The following THSD7B variants were observed in gnomAD, a reference collection of about 807,000 sequenced individuals.
THSD7B encodes thrombospondin type 1 domain containing 7B, also known as thrombospondin type-1 domain-containing protein 7B.
A neutral mutation model predicts 213.6 loss-of-function variants in THSD7B; 138 were observed. That is an observed-to-expected ratio of 0.65 (90% CI 0.56 to 0.74). THSD7B has a LOEUF of 0.74. Ranked by LOEUF, THSD7B falls within the 30% of genes least tolerant of loss-of-function variation. The pLI, the probability that THSD7B is intolerant of heterozygous loss-of-function variation, is 0.00. For synonymous variants in THSD7B, 742 were observed against 687.0 expected (o/e 1.08, Z -1.25); for missense variants, 1,931 against 1,991.5 (o/e 0.97, Z 0.58).
intron 15 of THSD7B, among the ~76,000 whole-genome samples, chr2:137,517,436 G>T (rs914643953): frequency 1.3e-5 from 2 of 152,216 alleles, no homozygotes; most frequent in African/African-American, 2.4e-5. Context: ...AAAATTTCTA[G>T]GGGTCTGGTG....
intron 15 of THSD7B, among the ~76,000 whole-genome samples, chr2:137,491,051 G>A (rs978299841): frequency 1.3e-5 from 2 of 152,178 alleles, no homozygotes; most frequent in East Asian, 3.9e-4. Flanking sequence ...GGTTTATAGA[G>A]TTATTTATGT....
intron 12 of THSD7B, among the ~76,000 whole-genome samples, chr2:137,289,006 C>T (rs1275187232): frequency 6.6e-6 from 1 of 151,958 alleles, no homozygotes; most frequent in Non-Finnish European, 1.5e-5. Context: ...ACCACTTAAC[C>T]TCTCAATATT....
At chr2:137,456,475 T>A (rs1687765894) in intron 15 of THSD7B, among the ~76,000 whole-genome samples, 1 of 152,208 alleles carries the variant, frequency 6.6e-6, no homozygotes, top group South Asian at 2.1e-4. Flanking sequence ...GTTTTATCAG[T>A]GTTGGCCTCT....
At chr2:137,362,258 A>G (rs1685282536) in intron 12 of THSD7B, among the ~76,000 whole-genome samples, 1 of 152,216 alleles carries the variant, frequency 6.6e-6, no homozygotes, top group Non-Finnish European at 1.5e-5. Context: ...AGTAACAACC[A>G]GTACCAGCCA....
At chr2:136,987,516 A>G (rs1029462415) in intron 2 of THSD7B, among the ~76,000 whole-genome samples, 2 of 152,134 alleles carry the variant, frequency 1.3e-5, no homozygotes, top group Admixed American at 1.3e-4. Flanking sequence ...ACAAGAAGAG[A>G]GGGATGAGGT....
intron 15 of THSD7B, among the ~76,000 whole-genome samples, chr2:137,481,984 C>T (rs867464128): frequency 2.0e-5 from 3 of 152,042 alleles, no homozygotes; most frequent in South Asian, 2.1e-4. Flanking sequence ...GAGACCATCC[C>T]GGCTAATACG....
In THSD7B at chr2:137,668,862, C is replaced by G. The variant is rs192645124; in HGVS notation, c.4739+1001C>G. ...AGTAGTTATGGATTATCATGAAGGTCTTCATCCTCACCATCTTCATACTGA... is the reference window on the plus strand; with the variant it reads ...AGTAGTTATGGATTATCATGAAGGTGTTCATCCTCACCATCTTCATACTGA... On this transcript the variant is annotated intron_variant, in intron 27 of 27. Coordinates refer to ENST00000409968, the MANE Select transcript of THSD7B (RefSeq NM_001316349.2). Among the ~76,000 whole-genome samples, 378 of 152,252 alleles carry G rather than the reference C, an allele frequency of 2.5e-3. 3 individuals are homozygous for G. Among genetic ancestry groups the G allele is most frequent in the African/African-American group, 8.7e-3 (363 of 41,534 alleles).
At chr2:137,100,501 G>A (rs946603334) in intron 4 of THSD7B, among the ~76,000 whole-genome samples, 1 of 151,946 alleles carries the variant, frequency 6.6e-6, no homozygotes, top group Non-Finnish European at 1.5e-5. Context: ...CACGACAATC[G>A]TGTCCTTTAA....
intron 2 of THSD7B, among the ~76,000 whole-genome samples, chr2:136,883,976 T>C (rs1683670357): frequency 6.6e-6 from 1 of 152,222 alleles, no homozygotes. Flanking sequence ...TACTTATGTA[T>C]GACTGACATT....
intron 10 of THSD7B, among the ~76,000 whole-genome samples, chr2:137,267,527 C>T (rs1448943768): frequency 6.8e-6 from 1 of 146,438 alleles, no homozygotes; most frequent in African/African-American, 2.5e-5. Flanking sequence ...CCCGAGTGCT[C>T]CCCTCTTTCC....
chr2:136,830,335 A>G (rs971536599), intron 1 of THSD7B, among the ~76,000 whole-genome samples: 4 of 152,228 alleles, frequency 2.6e-5, no homozygotes. Context: ...TGCATACCAT[A>G]ATGAACATTT....
intron 5 of THSD7B, among the ~76,000 whole-genome samples, chr2:137,138,475 T>C (rs943680861): frequency 6.6e-6 from 1 of 152,146 alleles, no homozygotes; most frequent in Non-Finnish European, 1.5e-5. Context: ...TTGCATTTCT[T>C]TGGTGACTAA....
intron 12 of THSD7B, among the ~76,000 whole-genome samples, chr2:137,382,923 AAGT>A (rs2104966418): frequency 6.6e-6 from 1 of 152,272 alleles, no homozygotes; most frequent in South Asian, 2.1e-4. Context: ...ACTTCTGTTG[AAGT>A]CCAGCCTAGT....
chr2:137,017,806 T>G (rs1414000305), intron 2 of THSD7B, among the ~76,000 whole-genome samples: 6 of 152,154 alleles, frequency 3.9e-5, no homozygotes, highest in African/African-American at 1.4e-4. Flanking sequence ...TTTGTAACTT[T>G]TAAAGATCAC....
At chr2:137,109,939 C>G (rs539795151) in intron 4 of THSD7B, among the ~76,000 whole-genome samples, 25 of 152,204 alleles carry the variant, frequency 1.6e-4, no homozygotes, top group African/African-American at 5.8e-4. Flanking sequence ...CTGTCTTAAC[C>G]ACACTGGCTT....
rs1414926659 is a variant in THSD7B at position 137,411,881 on chromosome 2, A to T, written c.2959+9A>T. On this transcript the variant is annotated intron_variant, in intron 14 of 27. Coordinates refer to ENST00000409968, the MANE Select transcript of THSD7B (RefSeq NM_001316349.2). ...CTTCTGCAGCAGCTCTGGTAAGGAGATGGATGGAGAGTAACAGATGAGAAC... is the reference window on the plus strand; with the variant it reads ...CTTCTGCAGCAGCTCTGGTAAGGAGTTGGATGGAGAGTAACAGATGAGAAC... The T allele has an allele frequency of 3.1e-6, 5 of 1,613,574 alleles. No homozygotes were observed. The African/African-American group carries it at 4.0e-5, about 13-fold the overall frequency.
chr2:137,588,542 A>C (rs1274449119), intron 17 of THSD7B, among the ~76,000 whole-genome samples: 2 of 145,910 alleles, frequency 1.4e-5, no homozygotes, highest in African/African-American at 5.1e-5. Flanking sequence ...AATGCTTCTG[A>C]TTCCATTTTA....
chr2:136,836,202 G>A (rs1255797761), intron 1 of THSD7B, among the ~76,000 whole-genome samples: 1 of 152,166 alleles, frequency 6.6e-6, no homozygotes, highest in Non-Finnish European at 1.5e-5. Flanking sequence ...GTGTGTATGT[G>A]AGCTGCAATG....
chr2:137,002,652 T>C (rs1686023102), intron 2 of THSD7B, among the ~76,000 whole-genome samples: 1 of 152,112 alleles, frequency 6.6e-6, no homozygotes, highest in South Asian at 2.1e-4. Context: ...TTAACAGGGG[T>C]CCACTGACTG....
Sources: gnomAD v4.1 joint callset for allele counts (sites outside exome capture counted in the v4.1 genomes callset) on GRCh38, gnomAD v4.1.1 for gene constraint, MANE v1.5 for transcripts, NCBI Gene and HGNC (gene_info 2026-07-23, HGNC 2026-07-21) for gene names.